FSTL4: variants seen among roughly 807,000 people sequenced by gnomAD.
FSTL4 encodes follistatin-related protein 4.
A neutral mutation model predicts 78.2 loss-of-function variants in FSTL4; 28 were observed. The ratio of observed to expected loss-of-function variants is 0.36; its 90% CI spans 0.27 to 0.49. The LOEUF is 0.49. Among genes scored for constraint, FSTL4 ranks in the 20% least tolerant of loss-of-function variants. The probability of loss-of-function intolerance (pLI) is 0.98; values close to 1 mark genes in which losing one functional copy is unlikely to be tolerated. For missense variants in FSTL4, 922 were observed against 1,084.9 expected (o/e 0.85, Z 2.11); for synonymous variants, 422 against 440.5 (o/e 0.96, Z 0.53).
At chr5:133,296,760 T>C (rs1753405998) in intron 6 of FSTL4, among the ~76,000 whole-genome samples, 1 of 152,254 alleles carries the variant, frequency 6.6e-6, no homozygotes. Flanking sequence ...GCATCCATTG[T>C]TGTTTATCTG....
the FSTL4 span, among the ~76,000 whole-genome samples, chr5:133,804,977 T>C: frequency 1.4e-4 from 21 of 150,732 alleles, no homozygotes; most frequent in African/African-American, 5.1e-4. Context: ...ACTGCACATG[T>C]TGGGACCCTC....
chr5:133,657,680 G>GTATATAA, the FSTL4 span, among the ~76,000 whole-genome samples: 1 of 150,282 alleles, frequency 6.7e-6, no homozygotes, highest in Non-Finnish European at 1.5e-5. Context: ...AATTCAAAAT[G>GTATATAA]TTATACATTT....
At chr5:133,642,482 T>C in the FSTL4 span, among the ~76,000 whole-genome samples, 1 of 152,208 alleles carries the variant, frequency 6.6e-6, no homozygotes, top group African/African-American at 2.4e-5. Flanking sequence ...TTTAATGAGC[T>C]GAGTCAACTG....
chr5:133,596,438 C>A (rs10056954), intron 2 of FSTL4, among the ~76,000 whole-genome samples: 5,089 of 152,280 alleles, frequency 0.033, 271 homozygotes, highest in African/African-American at 0.12. Context: ...GACTTCCATT[C>A]TCAACTCTTA....
chr5:133,421,885 T>C (rs1286552520), intron 3 of FSTL4, among the ~76,000 whole-genome samples: 1 of 152,162 alleles, frequency 6.6e-6, no homozygotes, highest in Non-Finnish European at 1.5e-5. Context: ...GGAGCTTATA[T>C]TTGAGTGGAG....
intron 3 of FSTL4, among the ~76,000 whole-genome samples, chr5:133,470,083 C>A (rs1757790412): frequency 6.6e-6 from 1 of 152,190 alleles, no homozygotes; most frequent in African/African-American, 2.4e-5. Context: ...ACACCCAGCT[C>A]CCAGCCTGCT....
chr5:133,626,300 A>G, the FSTL4 span, among the ~76,000 whole-genome samples: 1 of 39,814 alleles, frequency 2.5e-5, no homozygotes, highest in African/African-American at 1.7e-4. Context: ...TATTCCATAT[A>G]TATATATTCC....
chr5:133,798,353 G>A, the FSTL4 span, among the ~76,000 whole-genome samples: 2 of 152,194 alleles, frequency 1.3e-5, no homozygotes, highest in Non-Finnish European at 1.5e-5. Flanking sequence ...CAGGGTGAGA[G>A]GGATGAAGGG....
chr5:133,675,311 G>A, the FSTL4 span, among the ~76,000 whole-genome samples: 54 of 152,340 alleles, frequency 3.5e-4, no homozygotes, highest in Non-Finnish European at 4.4e-5. Context: ...TTTTTAAATT[G>A]ACATTTTAAA....
At chr5:133,730,949 G>A in the FSTL4 span, among the ~76,000 whole-genome samples, 3 of 152,204 alleles carry the variant, frequency 2.0e-5, no homozygotes, top group African/African-American at 4.8e-5. Context: ...GGTAGACCCT[G>A]GGGAATGGAT....
the FSTL4 span, among the ~76,000 whole-genome samples, chr5:133,635,026 A>G: frequency 2.6e-5 from 4 of 152,100 alleles, no homozygotes; most frequent in African/African-American, 4.8e-5. Flanking sequence ...AAAGGAATAA[A>G]TAGTTCCTCT....
intron 4 of FSTL4, among the ~76,000 whole-genome samples, chr5:133,365,001 C>G (rs930317551): frequency 6.6e-6 from 1 of 152,180 alleles, no homozygotes; most frequent in African/African-American, 2.4e-5. Flanking sequence ...CGCTGCCTCA[C>G]AGATGAAGAC....
the FSTL4 span, among the ~76,000 whole-genome samples, chr5:133,706,488 T>C: frequency 6.6e-6 from 1 of 152,268 alleles, no homozygotes; most frequent in East Asian, 1.9e-4. Context: ...TAAAATACAC[T>C]ACAACTTAAT....
the FSTL4 span, among the ~76,000 whole-genome samples, chr5:133,667,813 A>G: frequency 2.0e-5 from 3 of 152,210 alleles, no homozygotes; most frequent in African/African-American, 7.2e-5. Flanking sequence ...ATTTTCTTCT[A>G]CTAGATTACA....
intron 13 of FSTL4, among the ~76,000 whole-genome samples, chr5:133,214,614 G>GA (rs775288115): frequency 2.6e-5 from 4 of 152,128 alleles, no homozygotes; most frequent in Non-Finnish European, 4.4e-5. Flanking sequence ...GCTTGACTGA[G>GA]AAAAAACAAC....
the FSTL4 span, among the ~76,000 whole-genome samples, chr5:133,761,099 G>A: frequency 1.3e-5 from 2 of 152,336 alleles, no homozygotes; most frequent in East Asian, 3.9e-4. Flanking sequence ...ACTTCATAAT[G>A]AAATATGAGC....
At chr5:133,752,262 G>T in the FSTL4 span, among the ~76,000 whole-genome samples, 1 of 152,320 alleles carries the variant, frequency 6.6e-6, no homozygotes, top group South Asian at 2.1e-4. Flanking sequence ...AGCGAAGTCA[G>T]CAGCTTATGA....
intron 2 of FSTL4, among the ~76,000 whole-genome samples, chr5:133,570,107 T>C (rs1027637233): frequency 6.6e-6 from 1 of 150,796 alleles, no homozygotes; most frequent in Admixed American, 6.6e-5. Context: ...TACTCGGGAG[T>C]CTGAGGCTGG....
intron 3 of FSTL4, among the ~76,000 whole-genome samples, chr5:133,466,541 C>CA (rs775476593): frequency 2.7e-3 from 303 of 113,108 alleles, no homozygotes; most frequent in African/African-American, 4.5e-3. Context: ...GACTCTGTCT[C>CA]AAAAAAAAAA....
Sources: allele counts gnomAD v4.1 joint callset (sites outside exome capture counted in the v4.1 genomes callset), GRCh38; gene constraint gnomAD v4.1.1; transcripts MANE v1.5; gene names NCBI Gene and HGNC (gene_info 2026-07-23, HGNC 2026-07-21).